Variants in NYAP2 observed in about 807,000 individuals in gnomAD.
The protein encoded by NYAP2 is neuronal tyrosine-phosphorylated phosphoinositide-3-kinase adaptor 2, also known as neuronal tyrosine-phosphorylated phosphoinositide-3-kinase adapter 2.
In NYAP2, 23 loss-of-function variants were observed where a neutral mutation model predicts 50.4. That is an observed-to-expected ratio of 0.46 (90% CI 0.33 to 0.65). The LOEUF (loss-of-function observed/expected upper bound fraction) is 0.65. Ranked by LOEUF, NYAP2 falls within the 30% of genes least tolerant of loss-of-function variation. NYAP2 has a pLI of 0.02. For synonymous variants in NYAP2, 394 were observed against 365.2 expected, an observed-to-expected ratio of 1.08 and a Z score of -0.90; for missense variants, 885 against 861.0, an observed-to-expected ratio of 1.03 and a Z score of -0.35.
chr2:225,534,699 A>G (rs1055806789), intron 4 of NYAP2, among the ~76,000 whole-genome samples: 1 of 152,240 alleles, frequency 6.6e-6, no homozygotes, highest in Non-Finnish European at 1.5e-5. Context: ...GAAACCTTAT[A>G]GTAATTGGAA....
chr2:225,639,088 T>C (rs1168222826), intron 6 of NYAP2, among the ~76,000 whole-genome samples: 1 of 151,432 alleles, frequency 6.6e-6, no homozygotes, highest in Non-Finnish European at 1.5e-5. Context: ...TGGGACTCAG[T>C]AGAGAGTTTC....
chr2:225,493,426 G>A (rs1440301289), intron 3 of NYAP2, among the ~76,000 whole-genome samples: 1 of 152,246 alleles, frequency 6.6e-6, no homozygotes, highest in Admixed American at 6.5e-5. Flanking sequence ...GCTTTGCTTA[G>A]TCATGTTTAT....
Position 225,407,369 on chromosome 2 carries a change from C to G in NYAP2, c.-17-1495C>G, listed in dbSNP as rs115412920. 1.7e-3 allele frequency among the ~76,000 whole-genome samples: 251 copies of G among 151,970 alleles called. 2 individuals are homozygous for G. The Middle Eastern group carries it at 0.027, about 16-fold the overall frequency. On this transcript the variant is annotated intron_variant, in intron 2 of 6. Coordinates refer to ENST00000636099, the Ensembl canonical transcript of NYAP2. ...TAACCCATTACAGCTTAACATAAAA[C>G]AAAACATACAAAAACTTAACATAAA...
intron 3 of NYAP2, among the ~76,000 whole-genome samples, chr2:225,468,343 G>T (rs1689957236): frequency 6.6e-6 from 1 of 152,170 alleles, no homozygotes; most frequent in African/African-American, 2.4e-5. Context: ...CCAAGAATTG[G>T]ACTTCTAGCC....
intron 3 of NYAP2, among the ~76,000 whole-genome samples, chr2:225,415,944 G>C (rs1695115667): frequency 6.6e-6 from 1 of 151,976 alleles, no homozygotes; most frequent in Admixed American, 6.6e-5. Context: ...AGCATGTCAG[G>C]GTCTTGCTGG....
At chr2:225,447,051 G>T (rs1003183680) in intron 3 of NYAP2, among the ~76,000 whole-genome samples, 1 of 151,784 alleles carries the variant, frequency 6.6e-6, no homozygotes, top group Non-Finnish European at 1.5e-5. Context: ...AGATGAGTGG[G>T]GGGAGCAAGA....
rs575339869 is a variant in NYAP2 at position 225,420,542 on chromosome 2, C to A, written c.221+11441C>A. Reference sequence around the variant, plus strand: ...GTTTGAGGATGTGAGTGGAAGCTGGCCCAACAATAACCGATAGCTGCTTTT... The same window carrying A: ...GTTTGAGGATGTGAGTGGAAGCTGGACCAACAATAACCGATAGCTGCTTTT... On this transcript the variant is annotated intron_variant, in intron 3 of 6. Coordinates refer to ENST00000636099, the Ensembl canonical transcript of NYAP2. Among the ~76,000 whole-genome samples, 222 of 152,108 alleles carry A rather than the reference C, an allele frequency of 1.5e-3. 2 individuals carry two copies. Among genetic ancestry groups the A allele is most frequent in the Non-Finnish European group, 9.6e-4 (65 of 67,982 alleles).
At chr2:225,620,320 T>C (rs1048492121) in intron 5 of NYAP2, among the ~76,000 whole-genome samples, 1 of 152,218 alleles carries the variant, frequency 6.6e-6, no homozygotes, top group African/African-American at 2.4e-5. Context: ...TCATATTTGT[T>C]TGAATTAGAA....
chr2:225,701,794 T>G, the NYAP2 span: 15 of 151,908 alleles, frequency 9.9e-5, no homozygotes, highest in African/African-American at 3.1e-4. Flanking sequence ...TAGATACAAC[T>G]TTACTTTCCA....
intron 4 of NYAP2, among the ~76,000 whole-genome samples, chr2:225,536,168 G>A (rs982584935): frequency 2.0e-5 from 3 of 152,102 alleles, no homozygotes; most frequent in African/African-American, 7.2e-5. Flanking sequence ...AGCTTATCTG[G>A]GATAAAGGCT....
At chr2:225,658,913 C>T (rs1693868788), downstream of NYAP2, among the ~76,000 whole-genome samples, 1 of 152,182 alleles carries the variant, frequency 6.6e-6, no homozygotes, top group Non-Finnish European at 1.5e-5. Flanking sequence ...TGCTTATTAA[C>T]TTTTACATAC....
At chr2:225,580,490 G>T (rs1328781743) in intron 4 of NYAP2, among the ~76,000 whole-genome samples, 1 of 152,112 alleles carries the variant, frequency 6.6e-6, no homozygotes, top group Non-Finnish European at 1.5e-5. Context: ...TACCCAGTAT[G>T]GGTTAATGGA....
intron 3 of NYAP2, among the ~76,000 whole-genome samples, chr2:225,426,188 T>G (rs1257973066): frequency 6.6e-6 from 1 of 151,974 alleles, no homozygotes; most frequent in Non-Finnish European, 1.5e-5. Context: ...CAATCTATAA[T>G]ATAATGTAGC....
In NYAP2 at chr2:225,594,626, G is replaced by C. The variant is rs928217287; in HGVS notation, c.1618+11591G>C. Among the ~76,000 whole-genome samples, 3 of 152,144 alleles carry C rather than the reference G, an allele frequency of 2.0e-5. No individual in the cohort carries two copies. The East Asian group carries it at 5.8e-4, about 29-fold the overall frequency. On this transcript the variant is annotated intron_variant, in intron 5 of 6. Coordinates refer to ENST00000636099, the Ensembl canonical transcript of NYAP2. ...ACAAAGCTATCATTATGTGACTCGC[G>C]GTCTTGAATATGTGTGTTCCCTGGT...
rs116311099 is a variant in NYAP2, at chr2:225,613,916, G to A, written c.1619-13001G>A. Among the ~76,000 whole-genome samples the A allele has an allele frequency of 5.5e-3, 839 of 152,234 alleles. 8 individuals carry two copies. Among genetic ancestry groups the A allele is most frequent in the African/African-American group, 0.018 (762 of 41,536 alleles). On this transcript the variant is annotated intron_variant, in intron 5 of 6. Transcript: ENST00000636099. ...AATAAAAAGAACGTAGACACTCTCC[G>A]AAATGTAAAGTGAAGGTGTATTTTA...
intron 5 of NYAP2, among the ~76,000 whole-genome samples, chr2:225,617,974 A>C (rs1693018222): frequency 1.3e-5 from 2 of 152,236 alleles, no homozygotes; most frequent in South Asian, 4.1e-4. Flanking sequence ...TGTAGTCTTT[A>C]GTCTAAAGCT....
At chr2:225,445,552 T>C (rs961009947) in intron 3 of NYAP2, among the ~76,000 whole-genome samples, 11 of 152,144 alleles carry the variant, frequency 7.2e-5, no homozygotes, top group Non-Finnish European at 1.6e-4. Context: ...CTAGATATAC[T>C]GAATTTTATG....
intron 3 of NYAP2, among the ~76,000 whole-genome samples, chr2:225,500,707 T>A (rs1042734857): frequency 6.6e-6 from 1 of 152,196 alleles, no homozygotes; most frequent in African/African-American, 2.4e-5. Context: ...AGAGCTGACA[T>A]GAAAACTTTT....
At chr2:225,697,519 A>C in the NYAP2 span, among the ~76,000 whole-genome samples, 1 of 152,014 alleles carries the variant, frequency 6.6e-6, no homozygotes, top group Non-Finnish European at 1.5e-5. Context: ...ATTCTACTAC[A>C]TTCTGTTTAT....
Sources: allele counts gnomAD v4.1 joint callset (sites outside exome capture counted in the v4.1 genomes callset), GRCh38; gene constraint gnomAD v4.1.1; transcripts MANE v1.5; gene names NCBI Gene and HGNC (gene_info 2026-07-23, HGNC 2026-07-21).